The following SMARCB1 variants were observed in gnomAD, a reference collection of about 807,000 sequenced individuals.
SMARCB1 encodes the protein SWI/SNF-related matrix-associated actin-dependent regulator of chromatin subfamily B member 1.
SMARCB1 carries 5 observed loss-of-function variants against 49.0 expected under a neutral mutation model. The observed-to-expected ratio is 0.10, with a 90% confidence interval of 0.05 to 0.21. The LOEUF is 0.21. Ranked by LOEUF, SMARCB1 falls within the 10% of genes least tolerant of loss-of-function variation. SMARCB1 has a pLI of 1.00. For missense variants in SMARCB1, 226 were observed against 509.2 expected, an observed-to-expected ratio of 0.44 and a Z score of 5.35; for synonymous variants, 201 against 200.1, an observed-to-expected ratio of 1.00 and a Z score of -0.04.
At chr22:23,806,088 T>G (rs370611860) in intron 5 of SMARCB1, among the ~76,000 whole-genome samples, 4 of 152,186 alleles carry the variant, frequency 2.6e-5, no homozygotes, top group East Asian at 3.8e-4. Flanking sequence ...TGGTGAACAT[T>G]GCTGGGAGTT....
intron 6 of SMARCB1, chr22:23,817,851 A>C (rs952387024): frequency 6.6e-6 from 1 of 152,206 alleles, no homozygotes; most frequent in Admixed American, 6.5e-5. Flanking sequence ...TAGTCAAGAC[A>C]GTCTCACTGT....
chr22:23,787,686 CA>C lies in SMARCB1; in HGVS notation c.93+425del, dbSNP rs570797843. Among the ~76,000 whole-genome samples, 938 of 152,250 alleles carry C rather than the reference CA, an allele frequency of 6.2e-3. 11 individuals carry two copies. Among genetic ancestry groups the C allele is most frequent in the African/African-American group, 0.021 (885 of 41,538 alleles). Reference sequence around the variant, plus strand: ...TGCTACTTGTGGGAACCTCAAATGGCAGGCTGGAAACCCTGGACTTAGTGAG... The same window carrying C: ...TGCTACTTGTGGGAACCTCAAATGGCGGCTGGAAACCCTGGACTTAGTGAG... On this transcript the variant is annotated intron_variant, in intron 1 of 8. Coordinates refer to ENST00000644036, the MANE Select transcript of SMARCB1 (RefSeq NM_003073.5).
chr22:23,825,179 CTG>C (rs747013879), intron 6 of SMARCB1, 44 bp from the exon 7 acceptor site: 1 of 1,582,318 alleles, frequency 6.3e-7, no homozygotes, highest in South Asian at 1.1e-5. Flanking sequence ...CGCGGCCTCC[CTG>C]GGCTGCAAAA....
chr22:23,826,022 A>G (rs5751745), intron 7 of SMARCB1: 142,387 of 155,276 alleles, frequency 0.92, 65,444 homozygotes, highest in Middle Eastern at 0.97. Flanking sequence ...AGATGGTGGA[A>G]GTGTGAACAG....
intron 2 of SMARCB1, chr22:23,793,327 G>A (rs1423235742): frequency 3.3e-6 from 2 of 612,740 alleles, no homozygotes; most frequent in Non-Finnish European, 6.0e-6. Flanking sequence ...TGCTCCTGGG[G>A]CAGATTAGTC....
At position 23,828,241 on chromosome 22, in the gene SMARCB1, C is replaced by T. The variant is rs534488973; in HGVS notation, c.986+2826C>T. ...CTAATTTTTGTGTTTTTAGTAGAGACGGGGTTTCACCGTATTAGCTAGGAT... is the reference window on the plus strand; with the variant it reads ...CTAATTTTTGTGTTTTTAGTAGAGATGGGGTTTCACCGTATTAGCTAGGAT... On this transcript the variant is annotated intron_variant, in intron 7 of 8. Transcript: ENST00000644036. 5.9e-5 allele frequency among the ~76,000 whole-genome samples: 9 copies of T among 152,112 alleles called. No individual in the cohort carries two copies. The South Asian group carries it at 1.7e-3, about 28-fold the overall frequency.
intron 2 of SMARCB1, chr22:23,792,624 T>C (rs548939942): frequency 1.2e-5 from 2 of 161,198 alleles, no homozygotes; most frequent in South Asian, 1.7e-4. Flanking sequence ...TGTGAGCATG[T>C]GCGCGATGCT....
chr22:23,789,777 C>A (rs1334157347), intron 1 of SMARCB1, among the ~76,000 whole-genome samples: 1 of 152,166 alleles, frequency 6.6e-6, no homozygotes, highest in African/African-American at 2.4e-5. Context: ...AAGGTCAGAG[C>A]TCTATTGAAA....
At position 23,837,174 on chromosome 22, in the gene SMARCB1, T is replaced by C. The variant is rs1205314069; in HGVS notation, c.*2994T>C. The C allele has an allele frequency of 6.2e-7, 1 of 1,613,014 alleles. No individual in the cohort carries two copies. ...CAATCCCTGTGAGACAGCCACGGACTGTGGGGTCACCCTCCACAGCCCAGA... is the reference window on the plus strand; with the variant it reads ...CAATCCCTGTGAGACAGCCACGGACCGTGGGGTCACCCTCCACAGCCCAGA... On this transcript the variant is annotated 3_prime_UTR_variant, in exon 9 of 9. Coordinates refer to ENST00000644036, the MANE Select transcript of SMARCB1 (RefSeq NM_003073.5).
chr22:23,837,531 G>GT lies in SMARCB1; in HGVS notation c.*3351_*3352insT. ...AAGAGCACAGCAGCTGGGAGGGCAG[G>GT]AAGATGGGGATGGAGCCAGGTGTGA... On this transcript the variant is annotated 3_prime_UTR_variant, in exon 9 of 9. Coordinates refer to ENST00000644036, the MANE Select transcript of SMARCB1 (RefSeq NM_003073.5). 1 of 994,074 alleles carries GT rather than the reference G, an allele frequency of 1.0e-6. No homozygotes were observed. Among genetic ancestry groups the GT allele is most frequent in the Non-Finnish European group, 1.5e-6 (1 of 681,146 alleles). 61.6% of individuals were successfully genotyped at this position (994,074 alleles called of 1,614,324 possible). A position where few individuals can be genotyped will look rare whatever the true frequency, so the allele number is the denominator to read the frequency against.
intron 5 of SMARCB1, among the ~76,000 whole-genome samples, chr22:23,809,682 A>G (rs1173556610): frequency 6.6e-6 from 1 of 150,770 alleles, no homozygotes. Context: ...AAGTGCTGGG[A>G]TTATAGGCAT....
intron 5 of SMARCB1, among the ~76,000 whole-genome samples, chr22:23,809,365 C>T (rs1929724073): frequency 2.0e-5 from 3 of 151,520 alleles, no homozygotes; most frequent in Admixed American, 6.6e-5. Flanking sequence ...CAACCTCTAC[C>T]TCCCGGGTTC....
chr22:23,816,952 C>T lies in SMARCB1; in HGVS notation c.795+16C>T, dbSNP rs1930231354. ...CATCATCAAGGTAGGTGACTTCTCACCCAGCACTGGAGCCTTCCTGGCCCT... is the reference window on the plus strand; with the variant it reads ...CATCATCAAGGTAGGTGACTTCTCATCCAGCACTGGAGCCTTCCTGGCCCT... On this transcript the variant is annotated intron_variant, in intron 6 of 8. Transcript: ENST00000644036. 5 of 1,610,850 alleles carry T rather than the reference C, an allele frequency of 3.1e-6. No homozygotes were observed. The highest frequency in any genetic ancestry group is 1.3e-5 in the African/African-American group (1 of 74,974).
chr22:23,808,209 C>T (rs1214648536), intron 5 of SMARCB1, among the ~76,000 whole-genome samples: 1 of 151,782 alleles, frequency 6.6e-6, no homozygotes, highest in Non-Finnish European at 1.5e-5. Context: ...CAAGCTCCGC[C>T]TCCCAGGTTC....
At chr22:23,812,462 C>T (rs916149852) in intron 5 of SMARCB1, among the ~76,000 whole-genome samples, 3 of 152,116 alleles carry the variant, frequency 2.0e-5, no homozygotes, top group African/African-American at 7.2e-5. Flanking sequence ...GGAGAACGCA[C>T]TTCCTGATCA....
intron 1 of SMARCB1, among the ~76,000 whole-genome samples, chr22:23,791,113 A>C (rs936408225): frequency 4.6e-5 from 7 of 152,186 alleles, no homozygotes. Flanking sequence ...ACGAGACAAT[A>C]GGGTACCCTC....
intron 1 of SMARCB1, among the ~76,000 whole-genome samples, chr22:23,790,199 G>A (rs778627307): frequency 6.6e-6 from 1 of 152,058 alleles, no homozygotes; most frequent in South Asian, 2.1e-4. Flanking sequence ...GTAGTCATAG[G>A]GGGGAGTATT....
Position 23,787,145 on chromosome 22 carries a change from C to T in SMARCB1, c.-25C>T, listed in dbSNP as rs1250969239. 1.3e-6 allele frequency: 2 copies of T among 1,543,572 alleles called. No individual in the cohort carries two copies. The highest frequency in any genetic ancestry group is 1.8e-6 in the Non-Finnish European group (2 of 1,119,430). On this transcript the variant is annotated 5_prime_UTR_variant, in exon 1 of 9. Transcript: ENST00000644036. ...CCTCCTGATCCCTCGCAGCCCGGCT[C>T]CGGCCGCCCGCCTCTGCCGCCGCAA...
chr22:23,816,814 G>A lies in SMARCB1; in HGVS notation c.673G>A (p.Asp225Asn), dbSNP rs768379745. ...GATGTTTTCAGAAATCCTCTGTGAC[G>A]ATCTGGATTTGAACCCGCTGACGTT... Reference protein sequence around the residue: ...PEMFSEILCDDLDLNPLTFVP... With the variant: ...PEMFSEILCDNLDLNPLTFVP... The change falls in exon 6 of 9, where the codon GAT (aspartate) becomes AAT (asparagine). Residue 225 changes from aspartate (D) to asparagine (N), a missense_variant. Physicochemically the swap from Asp to Asn is conservative, Grantham distance 23 (BLOSUM62 1). Around this residue, in one of 6 missense-constraint regions of SMARCB1, gnomAD observed 128 missense variants for 263.9 expected, o/e 0.49. Transcript: ENST00000644036. 1.2e-6 allele frequency: 2 copies of A among 1,614,042 alleles called. No homozygotes were observed. Among genetic ancestry groups the A allele is most frequent in the Non-Finnish European group, 1.7e-6 (2 of 1,179,956 alleles).
Sources: allele counts gnomAD v4.1 joint callset (sites outside exome capture counted in the v4.1 genomes callset), GRCh38; gene constraint gnomAD v4.1.1; regional missense constraint gnomAD v4.1.1; transcripts MANE v1.5; gene names NCBI Gene and HGNC (gene_info 2026-07-23, HGNC 2026-07-21).